The following CLSTN1 variants were observed in gnomAD, a reference collection of about 807,000 sequenced individuals.
CLSTN1 encodes calsyntenin 1.
CLSTN1 carries 28 observed loss-of-function variants against 108.3 expected under a neutral mutation model. That is an observed-to-expected ratio of 0.26 (90% CI 0.19 to 0.35). CLSTN1 has a LOEUF of 0.35. CLSTN1 is among the 10% of genes least tolerant of loss of function. CLSTN1 has a pLI of 1.00. For synonymous variants in CLSTN1, 524 were observed against 534.9 expected (o/e 0.98, Z 0.28); for missense variants, 1,157 against 1,302.6 (o/e 0.89, Z 1.72).
chr1:9,800,647 G>T (rs887584883), intron 1 of CLSTN1, among the ~76,000 whole-genome samples: 21 of 149,454 alleles, frequency 1.4e-4, no homozygotes, highest in Non-Finnish European at 8.9e-5. Flanking sequence ...GGAGAATGAC[G>T]TGAACCCAGG....
chr1:9,743,811 G>A, intron 9 of CLSTN1, 73 bp downstream of exon 9: 2 of 1,556,256 alleles, frequency 1.3e-6, no homozygotes, highest in Non-Finnish European at 1.8e-6. Flanking sequence ...TCGTGCCCCA[G>A]CCTCCCAAAG....
At chr1:9,806,017 C>T (rs1269124173) in intron 1 of CLSTN1, among the ~76,000 whole-genome samples, 1 of 151,956 alleles carries the variant, frequency 6.6e-6, no homozygotes, top group Non-Finnish European at 1.5e-5. Context: ...TGGCTGAGCA[C>T]GGTGGCTCAA....
At chr1:9,773,979 T>C (rs919586049) in intron 1 of CLSTN1, among the ~76,000 whole-genome samples, 1 of 151,980 alleles carries the variant, frequency 6.6e-6, no homozygotes, top group African/African-American at 2.4e-5. Context: ...CGGGCTCAAG[T>C]GATCCGCCTG....
chr1:9,776,642 A>T (rs903804152), intron 1 of CLSTN1, among the ~76,000 whole-genome samples: 3 of 152,160 alleles, frequency 2.0e-5, no homozygotes, highest in Non-Finnish European at 4.4e-5. Context: ...CTTACTCGGC[A>T]GCCAGAGGGA....
At chr1:9,820,346 C>T (rs1387010043) in intron 1 of CLSTN1, among the ~76,000 whole-genome samples, 1 of 152,050 alleles carries the variant, frequency 6.6e-6, no homozygotes, top group African/African-American at 2.4e-5. Flanking sequence ...TGGTGAAACC[C>T]TGTCTCTACT....
chr1:9,806,984 G>A (rs1654534811), intron 1 of CLSTN1, among the ~76,000 whole-genome samples: 1 of 151,850 alleles, frequency 6.6e-6, no homozygotes, highest in Non-Finnish European at 1.5e-5. Flanking sequence ...TGGACTAACT[G>A]TGTTTTCTTG....
At chr1:9,747,022 A>G (rs1228136626) in intron 7 of CLSTN1, among the ~76,000 whole-genome samples, 1 of 151,726 alleles carries the variant, frequency 6.6e-6, no homozygotes, top group Non-Finnish European at 1.5e-5. Context: ...TCTACTAAAC[A>G]TACAAAAAGT....
At chr1:9,776,480 C>A (rs1368351315) in intron 1 of CLSTN1, among the ~76,000 whole-genome samples, 1 of 151,884 alleles carries the variant, frequency 6.6e-6, no homozygotes, top group Non-Finnish European at 1.5e-5. Flanking sequence ...CTGAACTGAA[C>A]GCTTCAAAAT....
At chr1:9,788,896 A>G (rs560903838) in intron 1 of CLSTN1, among the ~76,000 whole-genome samples, 5 of 150,032 alleles carry the variant, frequency 3.3e-5, no homozygotes, top group South Asian at 2.2e-4. Context: ...AAACAAAAGG[A>G]ATTTGACTAT....
At chr1:9,781,231 G>A in intron 1 of CLSTN1, 2 of 766,514 alleles carry the variant, frequency 2.6e-6, no homozygotes, top group South Asian at 3.0e-5. Flanking sequence ...CTGAAAATAT[G>A]ACAAGCTGAT....
chr1:9,820,714 G>A (rs955318186), intron 1 of CLSTN1, among the ~76,000 whole-genome samples: 3 of 151,982 alleles, frequency 2.0e-5, no homozygotes, highest in South Asian at 2.1e-4. Flanking sequence ...TGCTGGTGAC[G>A]GGAAACATAT....
intron 2 of CLSTN1, among the ~76,000 whole-genome samples, chr1:9,762,105 T>C (rs1440075949): frequency 2.0e-5 from 3 of 152,118 alleles, no homozygotes; most frequent in Admixed American, 1.3e-4. Flanking sequence ...TAGGGGAAGC[T>C]GGGTAACAGG....
chr1:9,816,837 G>C (rs1378570964), intron 1 of CLSTN1, among the ~76,000 whole-genome samples: 2 of 152,146 alleles, frequency 1.3e-5, no homozygotes, highest in East Asian at 1.9e-4. Flanking sequence ...AGTAGAGATG[G>C]GGTTTCTCCA....
chr1:9,811,031 C>T (rs1654735881), intron 1 of CLSTN1, among the ~76,000 whole-genome samples: 2 of 152,054 alleles, frequency 1.3e-5, no homozygotes, highest in Non-Finnish European at 2.9e-5. Context: ...GTTAAAAAGC[C>T]CAAACCTTCT....
chr1:9,815,624 AC>A (rs1654938918), intron 1 of CLSTN1, among the ~76,000 whole-genome samples: 2 of 152,208 alleles, frequency 1.3e-5, no homozygotes, highest in African/African-American at 4.8e-5. Context: ...TGTACAACCA[AC>A]TGGTAGTTCC....
chr1:9,736,611 C>A (rs1171815083), intron 11 of CLSTN1, among the ~76,000 whole-genome samples: 1 of 152,194 alleles, frequency 6.6e-6, no homozygotes, highest in Non-Finnish European at 1.5e-5. Flanking sequence ...CAACGAAAAC[C>A]AAAACCCAGA....
intron 2 of CLSTN1, among the ~76,000 whole-genome samples, chr1:9,757,942 T>C (rs1651895218): frequency 6.6e-6 from 1 of 152,090 alleles, no homozygotes; most frequent in Admixed American, 6.5e-5. Flanking sequence ...TGTTTCATTT[T>C]GCTTGGTTTT....
At chr1:9,770,472 C>T (rs553491827) in intron 2 of CLSTN1, among the ~76,000 whole-genome samples, 11 of 152,340 alleles carry the variant, frequency 7.2e-5, no homozygotes, top group Admixed American at 2.6e-4. Flanking sequence ...GATGTAGCTA[C>T]GTCATCGTAG....
intron 2 of CLSTN1, among the ~76,000 whole-genome samples, chr1:9,772,548 C>CT (rs745674161): frequency 2.8e-4 from 43 of 152,166 alleles, no homozygotes; most frequent in Non-Finnish European, 5.1e-4. Context: ...AACTCCAACT[C>CT]TGAGGCAGAA....
Sources: gnomAD v4.1 joint callset for allele counts (sites outside exome capture counted in the v4.1 genomes callset) on GRCh38, gnomAD v4.1.1 for gene constraint, MANE v1.5 for transcripts, NCBI Gene and HGNC (gene_info 2026-07-23, HGNC 2026-07-21) for gene names.